ATOSB: variants seen among roughly 807,000 people sequenced by gnomAD.
ATOSB encodes atos homolog protein B.
the ATOSB span, chr9:35,108,158 T>G: frequency 3.8e-6 from 6 of 1,585,990 alleles, no homozygotes; most frequent in East Asian, 2.3e-5. Flanking sequence ...TCGCCCCCCC[T>G]GCTGGGCTGT....
chr9:35,114,392 C>A, the ATOSB span, among the ~76,000 whole-genome samples: 4 of 151,122 alleles, frequency 2.6e-5, no homozygotes, highest in Non-Finnish European at 3.0e-5. Context: ...CCCCCCTCCC[C>A]AGCCAGTCTC....
At chr9:35,112,986 T>C in the ATOSB span, among the ~76,000 whole-genome samples, 1 of 152,138 alleles carries the variant, frequency 6.6e-6, no homozygotes, top group Non-Finnish European at 1.5e-5. Context: ...ACCACCCTTT[T>C]CAAGAGGAAA....
the ATOSB span, chr9:35,107,343 A>T: frequency 3.3e-6 from 5 of 1,531,254 alleles, no homozygotes; most frequent in Non-Finnish European, 4.4e-6. Flanking sequence ...AAAAAAAAAA[A>T]GTAAAAAAAG....
the ATOSB span, chr9:35,107,039 G>A: frequency 4.0e-6 from 3 of 746,954 alleles, no homozygotes; most frequent in East Asian, 5.4e-5. Context: ...GTACATGAAG[G>A]ACAGGCGCAG....
At chr9:35,106,285 A>G in the ATOSB span, 3 of 1,614,112 alleles carry the variant, frequency 1.9e-6, no homozygotes, top group Admixed American at 1.7e-5. The surrounding 1 kb of genome is among the most constrained non-coding windows in gnomAD (Gnocchi z 4.6). Flanking sequence ...GCTCAGAAAC[A>G]TCAAAGAATG....
At chr9:35,106,104 G>C in the ATOSB span, 1 of 1,507,770 alleles carries the variant, frequency 6.6e-7, no homozygotes, top group Non-Finnish European at 9.0e-7. This position sits in a 1 kb window ranked among gnomAD's most constrained non-coding sequence, Gnocchi z 4.6. Flanking sequence ...CCCTGAACCT[G>C]CCCCTGCCCT....
chr9:35,105,718 G>A, the ATOSB span: 1 of 1,613,944 alleles, frequency 6.2e-7, no homozygotes, highest in Non-Finnish European at 8.5e-7. The surrounding 1 kb of genome is among the most constrained non-coding windows in gnomAD (Gnocchi z 5.5). Flanking sequence ...GCGGTGGGTG[G>A]GGTTAGCATT....
the ATOSB span, chr9:35,106,984 GC>G: frequency 6.3e-6 from 7 of 1,108,870 alleles, no homozygotes; most frequent in South Asian, 2.7e-5. This position sits in a 1 kb window ranked among gnomAD's most constrained non-coding sequence, Gnocchi z 4.6. Flanking sequence ...GGAACACCCT[GC>G]CCCCCAGGCC....
chr9:35,105,986 C>A, the ATOSB span: 3 of 1,613,890 alleles, frequency 1.9e-6, no homozygotes, highest in Non-Finnish European at 2.5e-6. The surrounding 1 kb of genome is among the most constrained non-coding windows in gnomAD (Gnocchi z 5.5). Flanking sequence ...CCTTCCTCCC[C>A]AAGGGGTTCA....
the ATOSB span, among the ~76,000 whole-genome samples, chr9:35,114,132 A>G: frequency 6.6e-6 from 1 of 152,220 alleles, no homozygotes; most frequent in African/African-American, 2.4e-5. Flanking sequence ...TGCTGCCTGT[A>G]CCAAAGCAGA....
chr9:35,113,726 A>G, the ATOSB span, among the ~76,000 whole-genome samples: 28 of 151,852 alleles, frequency 1.8e-4, no homozygotes, highest in Non-Finnish European at 2.6e-4. Context: ...TTTTTTTTAT[A>G]TAGCGGTTAT....
chr9:35,108,461 A>G, the ATOSB span: 4 of 1,358,750 alleles, frequency 2.9e-6, no homozygotes, highest in Non-Finnish European at 3.8e-6. Flanking sequence ...ATGGGTTCCC[A>G]AGGATGAATG....
At chr9:35,109,836 C>T in the ATOSB span, 1 of 152,368 alleles carries the variant, frequency 6.6e-6, no homozygotes, top group Admixed American at 6.5e-5. Flanking sequence ...ATCTTCTAGA[C>T]CGACCATAGA....
chr9:35,116,174 G>C, the ATOSB span: 1 of 152,280 alleles, frequency 6.6e-6, no homozygotes, highest in Non-Finnish European at 1.5e-5. Flanking sequence ...TTCCAGCCTG[G>C]CAGAAGTCGC....
At chr9:35,108,778 C>A in the ATOSB span, 13 of 787,386 alleles carry the variant, frequency 1.7e-5, 1 homozygote, top group South Asian at 6.9e-4. Flanking sequence ...ATCACTGGAG[C>A]CAGCGGTAAG....
chr9:35,105,172 G>A, the ATOSB span: 1 of 1,565,918 alleles, frequency 6.4e-7, no homozygotes, highest in Admixed American at 1.8e-5. The surrounding 1 kb of genome is among the most constrained non-coding windows in gnomAD (Gnocchi z 5.5). Context: ...CTCTAAGATG[G>A]AGCAGGATGG....
At chr9:35,112,302 T>C in the ATOSB span, 1 of 6,462 alleles carries the variant, frequency 1.5e-4, no homozygotes, top group Non-Finnish European at 8.7e-4. Context: ...CTTTCTGAGA[T>C]CAGCCTGCCA....
At chr9:35,107,385 A>G in the ATOSB span, 1 of 1,613,552 alleles carries the variant, frequency 6.2e-7, no homozygotes, top group Non-Finnish European at 8.5e-7. Flanking sequence ...GCTTACCAAA[A>G]CAGGCTCTTT....
the ATOSB span, among the ~76,000 whole-genome samples, chr9:35,114,906 G>A: frequency 6.6e-6 from 1 of 152,162 alleles, no homozygotes; most frequent in East Asian, 1.9e-4. Context: ...TCTGAGCCCT[G>A]CCGCTGGTTA....
Sources: gnomAD v4.1 joint callset for allele counts (sites outside exome capture counted in the v4.1 genomes callset) on GRCh38, gnomAD v4.1.1 for gene constraint, Gnocchi (gnomAD v3.1) non-coding constraint, MANE v1.5 for transcripts, NCBI Gene and HGNC (gene_info 2026-07-23, HGNC 2026-07-21) for gene names.